IP6K1: variants seen among roughly 807,000 people sequenced by gnomAD.
IP6K1 encodes ATP:1D-myo-inositol-hexakisphosphate phosphotransferase.
IP6K1 carries 13 observed loss-of-function variants against 38.3 expected under a neutral mutation model. The ratio of observed to expected loss-of-function variants is 0.34; its 90% CI spans 0.22 to 0.54. The LOEUF is 0.54. IP6K1 is among the 20% of genes least tolerant of loss of function. The probability of loss-of-function intolerance (pLI) is 0.92; values close to 1 mark genes in which losing one functional copy is unlikely to be tolerated. For synonymous variants in IP6K1, 212 were observed against 229.9 expected (o/e 0.92, Z 0.70); for missense variants, 397 against 599.8 (o/e 0.66, Z 3.53).
In IP6K1 at chr3:49,729,408, T is replaced by A. The variant is rs528550089; in HGVS notation, c.617-1130A>T. On this transcript the variant is annotated intron_variant, in intron 4 of 5. Coordinates refer to ENST00000321599, the MANE Select transcript of IP6K1 (RefSeq NM_153273.4). ...TTATGTTGATTTATTTTTGTTATTT[T>A]TTATTTTATTTTTTTTTTGAGACGG... Among the ~76,000 whole-genome samples, 140 of 140,034 alleles carry A rather than the reference T, an allele frequency of 1.0e-3. 2 individuals are homozygous for A. The highest frequency in any genetic ancestry group is 9.7e-4 in the Non-Finnish European group (60 of 61,974). 91.9% of individuals were successfully genotyped at this position (140,034 alleles called of 152,430 possible).
chr3:49,730,178 C>T (rs2080550574), intron 4 of IP6K1, among the ~76,000 whole-genome samples: 1 of 152,140 alleles, frequency 6.6e-6, no homozygotes, highest in African/African-American at 2.4e-5. Context: ...CAGGCATGAG[C>T]CACCGCGCCC....
chr3:49,745,952 A>G (rs2108235538), intron 2 of IP6K1, among the ~76,000 whole-genome samples: 1 of 152,294 alleles, frequency 6.6e-6, no homozygotes, highest in Admixed American at 6.5e-5. Flanking sequence ...AGACAATAAC[A>G]AAAAAATCCT....
At chr3:49,747,723 A>C in intron 2 of IP6K1, 95 bp downstream of exon 2, 1 of 1,523,668 alleles carries the variant, frequency 6.6e-7, no homozygotes, top group Non-Finnish European at 8.9e-7. Context: ...AAAGACCTAC[A>C]ATGATATATC....
intron 1 of IP6K1, among the ~76,000 whole-genome samples, chr3:49,749,498 T>C (rs1463031712): frequency 6.6e-6 from 1 of 152,164 alleles, no homozygotes; most frequent in Non-Finnish European, 1.5e-5. Context: ...AGAAAAAGTA[T>C]TAGTAGAGCA....
intron 1 of IP6K1, among the ~76,000 whole-genome samples, chr3:49,761,970 G>C (rs77068319): frequency 0.024 from 3,638 of 152,018 alleles, 56 homozygotes; most frequent in Non-Finnish European, 0.036. Context: ...ATTTTTTCTG[G>C]TGAGATGGGG....
intron 1 of IP6K1, among the ~76,000 whole-genome samples, chr3:49,769,671 G>A (rs1213921057): frequency 6.6e-6 from 1 of 152,168 alleles, no homozygotes; most frequent in Non-Finnish European, 1.5e-5. Context: ...CTAATGAAAA[G>A]AATATGGCAG....
In IP6K1 at chr3:49,732,979, AG is replaced by A. The variant is rs778845648; in HGVS notation, c.435-8del. On this transcript the variant is annotated splice_polypyrimidine_tract_variant and splice_region_variant and intron_variant, in intron 3 of 5. Transcript: ENST00000321599. ...ACTCTTTGCCTCCTGTGAGCTAAGA[AG>A]GAAGAACATACACATCACTAAGAAA... The A allele has an allele frequency of 6.2e-7, 1 of 1,608,834 alleles. No individual in the cohort carries two copies. The highest frequency in any genetic ancestry group is 8.5e-7 in the Non-Finnish European group (1 of 1,175,760).
rs746288742 is a variant in IP6K1 at position 49,727,414 on chromosome 3, C to T, written c.1034G>A (p.Arg345Gln). 1.1e-5 allele frequency: 18 copies of T among 1,613,830 alleles called. No individual in the cohort carries two copies. The highest frequency in any genetic ancestry group is 1.4e-5 in the Non-Finnish European group (17 of 1,180,016). ...LLVIYDGKEC[R>Q]AESCLDRRSE... ...CCGGCGGTCCAGGCAGGACTCAGCC[C>T]GGCACTCCTTGCCATCATAGATGAC... is the stretch of plus-strand genomic sequence containing the variant. The change falls in exon 6 of 6, where the codon CGG becomes CAG. Residue 345 changes from arginine to glutamine, a missense_variant. This residue lies in a region of IP6K1 where 164 missense variants were observed against 213.5 expected (regional missense o/e 0.77). Transcript: ENST00000321599. The surrounding 1 kb of genome is among the most constrained non-coding windows in gnomAD (Gnocchi z 5.9).
intron 1 of IP6K1, 67 bp from the exon 2 acceptor site, chr3:49,748,235 A>G (rs572104177): frequency 1.6e-6 from 1 of 614,656 alleles, no homozygotes; most frequent in African/African-American, 1.8e-5. Context: ...CTGGAGCTCC[A>G]TGAGTGAGAG....
At chr3:49,761,208 G>A (rs965513648) in intron 1 of IP6K1, among the ~76,000 whole-genome samples, 14 of 152,118 alleles carry the variant, frequency 9.2e-5, no homozygotes, top group East Asian at 5.8e-4. Context: ...CCAGCTACTC[G>A]GGAGGCCGAG....
intron 1 of IP6K1, chr3:49,785,976 G>C (rs2081109285): frequency 6.6e-6 from 1 of 152,282 alleles, no homozygotes; most frequent in Admixed American, 6.5e-5. Flanking sequence ...TCGCAGGAAC[G>C]CTATCTAAGA....
chr3:49,726,291 G>A lies in IP6K1; in HGVS notation c.*831C>T, dbSNP rs1472882968. 4 of 152,964 alleles carry A rather than the reference G, an allele frequency of 2.6e-5. No homozygotes were observed. The highest frequency in any genetic ancestry group is 4.4e-5 in the Non-Finnish European group (3 of 68,286). 9.5% of individuals were successfully genotyped at this position (152,964 alleles called of 1,614,324 possible). Reference sequence around the variant, plus strand: ...CAGCAGCACAGCTGCCGAAACTTGAGGAAGAAGACTCCCACCCATAGCACA... The same window carrying A: ...CAGCAGCACAGCTGCCGAAACTTGAAGAAGAAGACTCCCACCCATAGCACA... On this transcript the variant is annotated 3_prime_UTR_variant, in exon 6 of 6. Coordinates refer to ENST00000321599, the MANE Select transcript of IP6K1 (RefSeq NM_153273.4).
In IP6K1 at chr3:49,743,956, C is replaced by T. The variant is rs578079951; in HGVS notation, c.223+3862G>A. On this transcript the variant is annotated intron_variant, in intron 2 of 5. Transcript: ENST00000321599. Reference sequence around the variant, plus strand: ...TCGAGGCTGCAGTGAGGTATGATTGCACCACTGCACAATGCGCCACAATTA... The same window carrying T: ...TCGAGGCTGCAGTGAGGTATGATTGTACCACTGCACAATGCGCCACAATTA... Among the ~76,000 whole-genome samples the T allele has an allele frequency of 1.3e-4, 20 of 152,060 alleles. No homozygotes were observed. In the South Asian group the frequency reaches 4.2e-3, roughly 32 times the overall value.
chr3:49,733,048 G>A, intron 3 of IP6K1, 76 bp from the exon 4 acceptor site: 1 of 1,159,698 alleles, frequency 8.6e-7, no homozygotes, highest in Non-Finnish European at 1.2e-6. Flanking sequence ...ACAGGGCACA[G>A]ATCTGTCCAC....
chr3:49,753,061 G>T (rs775458391), intron 1 of IP6K1, among the ~76,000 whole-genome samples: 6 of 151,918 alleles, frequency 3.9e-5, no homozygotes, highest in Non-Finnish European at 5.9e-5. Context: ...ATGCCTGGCC[G>T]CCATTTCACT....
intron 1 of IP6K1, among the ~76,000 whole-genome samples, chr3:49,776,619 T>C (rs1011392371): frequency 1.3e-5 from 2 of 152,090 alleles, no homozygotes; most frequent in Non-Finnish European, 2.9e-5. Context: ...GGCAGCAGCA[T>C]GTTGCCTTGT....
At position 49,727,260 on chromosome 3, in the gene IP6K1, G is replaced by A; in HGVS notation, c.1188C>T (p.Arg396=). Residue 396 remains arginine, a synonymous_variant, in exon 6 of 6, where the codon CGC becomes CGT. Transcript: ENST00000321599. The surrounding 1 kb of genome is among the most constrained non-coding windows in gnomAD (Gnocchi z 5.9). ...GPSSQPKVDV[R]MIDFAHSTFK... ...ATGTGCTGTGTGCAAAGTCAATCAT[G>A]CGGACATCCACCTTGGGCTGAGAGG... The A allele has an allele frequency of 1.9e-6, 3 of 1,614,200 alleles. No individual in the cohort carries two copies. The highest frequency in any genetic ancestry group is 2.2e-5 in the South Asian group (2 of 91,086).
intron 3 of IP6K1, among the ~76,000 whole-genome samples, chr3:49,737,404 A>G (rs192165661): frequency 1.3e-5 from 2 of 152,266 alleles, no homozygotes; most frequent in Admixed American, 1.3e-4. Context: ...ACATAATTTG[A>G]GGCTGGTACA....
intron 1 of IP6K1, among the ~76,000 whole-genome samples, chr3:49,778,258 G>T (rs1224883841): frequency 1.3e-5 from 2 of 151,726 alleles, no homozygotes; most frequent in Non-Finnish European, 2.9e-5. Context: ...CCTGGAGGTG[G>T]AGGTTGCAGT....
Sources: allele counts gnomAD v4.1 joint callset (sites outside exome capture counted in the v4.1 genomes callset), GRCh38; gene constraint gnomAD v4.1.1; regional missense constraint gnomAD v4.1.1; non-coding constraint Gnocchi (gnomAD v3.1); transcripts MANE v1.5; gene names NCBI Gene and HGNC (gene_info 2026-07-23, HGNC 2026-07-21).